Variants in ZCCHC7 observed in about 807,000 individuals in gnomAD.
ZCCHC7 encodes the protein zinc finger CCHC domain-containing protein 7.
In ZCCHC7, 35 loss-of-function variants were observed where a neutral mutation model predicts 52.0. The observed-to-expected ratio is 0.67, with a 90% confidence interval of 0.51 to 0.89. The LOEUF (loss-of-function observed/expected upper bound fraction) is 0.89. Among genes scored for constraint, ZCCHC7 ranks in the 40% least tolerant of loss-of-function variants. ZCCHC7 has a pLI of 0.00. For synonymous variants in ZCCHC7, 217 were observed against 221.5 expected (o/e 0.98, Z 0.18); for missense variants, 574 against 649.1 (o/e 0.88, Z 1.26).
chr9:37,296,176 G>A (rs1333945317), intron 2 of ZCCHC7, among the ~76,000 whole-genome samples: 1 of 152,160 alleles, frequency 6.6e-6, no homozygotes, highest in East Asian at 1.9e-4. Flanking sequence ...ACTGGGTTGG[G>A]TGGAAAATTG....
At chr9:37,349,558 A>C in intron 7 of ZCCHC7, 106 bp downstream of exon 7, 1 of 1,068,660 alleles carries the variant, frequency 9.4e-7, no homozygotes, top group African/African-American at 1.6e-5. Flanking sequence ...TTTTTAATAA[A>C]CATTAAAGTA....
chr9:37,166,946 A>G (rs1307708035), intron 2 of ZCCHC7, among the ~76,000 whole-genome samples: 1 of 152,286 alleles, frequency 6.6e-6, no homozygotes, highest in East Asian at 1.9e-4. Flanking sequence ...AGTTTGTTGA[A>G]ATGTATTTTA....
chr9:37,173,132 C>T lies in ZCCHC7; in HGVS notation c.610+46190C>T, dbSNP rs1045605914. On this transcript the variant is annotated intron_variant, in intron 2 of 8. Transcript: ENST00000336755. ...TAGGGACTCGAGTGAACAACGTGGG[C>T]ATTCCAGTTGTGACTTGAGTGAGCA... Among the ~76,000 whole-genome samples the T allele has an allele frequency of 6.6e-5, 10 of 151,978 alleles. No individual in the cohort carries two copies. In the South Asian group the frequency reaches 1.9e-3, roughly 28 times the overall value.
At chr9:37,345,730 A>T (rs1284506076) in intron 6 of ZCCHC7, among the ~76,000 whole-genome samples, 2 of 152,182 alleles carry the variant, frequency 1.3e-5, no homozygotes, top group Non-Finnish European at 2.9e-5. Flanking sequence ...AAAAAAAAAA[A>T]AAAAACTCTT....
chr9:37,205,898 C>A (rs925625852), intron 2 of ZCCHC7, among the ~76,000 whole-genome samples: 1 of 141,802 alleles, frequency 7.1e-6, no homozygotes, highest in Non-Finnish European at 1.5e-5. Context: ...TTTTTTTTTT[C>A]TTTCCGCTTA....
chr9:37,209,064 G>A (rs900663487), intron 2 of ZCCHC7, among the ~76,000 whole-genome samples: 2 of 150,402 alleles, frequency 1.3e-5, no homozygotes, highest in African/African-American at 4.9e-5. Context: ...TTTTTGAGAT[G>A]GAGTCTCACT....
intron 2 of ZCCHC7, among the ~76,000 whole-genome samples, chr9:37,140,086 GA>G (rs1564137255): frequency 6.6e-6 from 1 of 151,904 alleles, no homozygotes; most frequent in African/African-American, 2.4e-5. Flanking sequence ...AAAGAAAGGA[GA>G]TTTTCTTTAA....
chr9:37,277,915 T>C (rs1045154643), intron 2 of ZCCHC7, among the ~76,000 whole-genome samples: 2 of 151,524 alleles, frequency 1.3e-5, no homozygotes, highest in Non-Finnish European at 2.9e-5. Context: ...AAAAAGAAAC[T>C]GGAAACTTTG....
chr9:37,328,998 A>G (rs1830354323), intron 6 of ZCCHC7, among the ~76,000 whole-genome samples: 1 of 151,916 alleles, frequency 6.6e-6, no homozygotes, highest in Admixed American at 6.6e-5. Context: ...TACAAATGTA[A>G]TTCATCTGAA....
chr9:37,357,965 C>T lies in ZCCHC7; in HGVS notation c.*697C>T, dbSNP rs1821810311. On this transcript the variant is annotated 3_prime_UTR_variant, in exon 9 of 9. Transcript: ENST00000336755. ...ATGAAATCATTTTTTACCACTTTTA[C>T]AGCGGTGTTTCAAGCGGACTGTCAC... 1 of 152,052 alleles carries T rather than the reference C, an allele frequency of 6.6e-6. No individual in the cohort carries two copies. Among genetic ancestry groups the T allele is most frequent in the African/African-American group, 2.4e-5 (1 of 41,382 alleles). 9.4% of individuals were successfully genotyped at this position (152,052 alleles called of 1,614,324 possible). A position where few individuals can be genotyped will look rare whatever the true frequency, so the allele number is the denominator to read the frequency against.
At chr9:37,323,088 A>G (rs1031205191) in intron 5 of ZCCHC7, among the ~76,000 whole-genome samples, 5 of 152,192 alleles carry the variant, frequency 3.3e-5, no homozygotes, top group Non-Finnish European at 7.3e-5. Context: ...AAACTGAGAC[A>G]CAGAGATATA....
In ZCCHC7 at chr9:37,357,931, A is replaced by G. The variant is rs1821808775; in HGVS notation, c.*663A>G. 6.6e-6 allele frequency: 1 copy of G among 152,154 alleles called. No individual in the cohort carries two copies. 9.4% of individuals were successfully genotyped at this position (152,154 alleles called of 1,614,324 possible). On this transcript the variant is annotated 3_prime_UTR_variant, in exon 9 of 9. Transcript: ENST00000336755. Reference sequence around the variant, plus strand: ...TAAAAGAGACATCAAAAATTTTAACATAATCACAATGAAATCATTTTTTAC... The same window carrying G: ...TAAAAGAGACATCAAAAATTTTAACGTAATCACAATGAAATCATTTTTTAC...
In ZCCHC7 at chr9:37,130,195, A is replaced by G. The variant is rs1842713930; in HGVS notation, c.610+3253A>G. ...GGAGGTTGCAGTGAGCTGAGATTGCACCATTGCACTCCAGCCTGGGTGATG... is the reference window on the plus strand; with the variant it reads ...GGAGGTTGCAGTGAGCTGAGATTGCGCCATTGCACTCCAGCCTGGGTGATG... On this transcript the variant is annotated intron_variant, in intron 2 of 8. Transcript: ENST00000336755. 3.4e-5 allele frequency among the ~76,000 whole-genome samples: 5 copies of G among 148,726 alleles called. No homozygotes were observed. The South Asian group carries it at 1.1e-3, about 32-fold the overall frequency.
chr9:37,230,912 C>T (rs1326519243), intron 2 of ZCCHC7, among the ~76,000 whole-genome samples: 1 of 152,026 alleles, frequency 6.6e-6, no homozygotes, highest in Non-Finnish European at 1.5e-5. Flanking sequence ...CACTTACAAA[C>T]GTCCTTTTGG....
intron 2 of ZCCHC7, among the ~76,000 whole-genome samples, chr9:37,166,179 G>A (rs780913484): frequency 1.6e-4 from 24 of 151,900 alleles, no homozygotes; most frequent in Non-Finnish European, 2.9e-4. Context: ...GGCGGATCAC[G>A]AGGTCAGGAG....
chr9:37,324,402 G>A (rs537221297), intron 5 of ZCCHC7, among the ~76,000 whole-genome samples: 1 of 152,300 alleles, frequency 6.6e-6, no homozygotes, highest in Non-Finnish European at 1.5e-5. Context: ...GTTATTGTAT[G>A]CTTGGCTTGT....
chr9:37,230,525 A>G (rs1440704067), intron 2 of ZCCHC7, among the ~76,000 whole-genome samples: 1 of 152,216 alleles, frequency 6.6e-6, no homozygotes, highest in Non-Finnish European at 1.5e-5. Context: ...TTATGAATGT[A>G]TATATAGAAA....
intron 2 of ZCCHC7, among the ~76,000 whole-genome samples, chr9:37,131,386 CTG>C (rs1842777519): frequency 6.6e-6 from 1 of 151,432 alleles, no homozygotes; most frequent in South Asian, 2.1e-4. Context: ...TGGCTCACAC[CTG>C]TAATCCCAGC....
intron 6 of ZCCHC7, among the ~76,000 whole-genome samples, chr9:37,348,208 G>C (rs76259899): frequency 0.051 from 7,749 of 152,068 alleles, 649 homozygotes; most frequent in African/African-American, 0.18. Flanking sequence ...CATCAACTTT[G>C]CCTCTAAACT....
Sources: allele counts gnomAD v4.1 joint callset (sites outside exome capture counted in the v4.1 genomes callset), GRCh38; gene constraint gnomAD v4.1.1; transcripts MANE v1.5; gene names NCBI Gene and HGNC (gene_info 2026-07-23, HGNC 2026-07-21).